The following UTS2B variants were observed in gnomAD, a reference collection of about 807,000 sequenced individuals.
UTS2B encodes urotensin-2B.
A neutral mutation model predicts 19.2 loss-of-function variants in UTS2B; 21 were observed. The ratio of observed to expected loss-of-function variants is 1.09; its 90% CI spans 0.78 to 1.58. The LOEUF (loss-of-function observed/expected upper bound fraction) is 1.58, where lower values mean the gene tolerates loss of function less well. UTS2B is among the 40% of genes most tolerant of loss of function. The probability of loss-of-function intolerance (pLI) is 0.00; values close to 1 mark genes in which losing one functional copy is unlikely to be tolerated. For synonymous variants in UTS2B, 57 were observed against 50.2 expected (o/e 1.14, Z -0.58); for missense variants, 138 against 130.3 (o/e 1.06, Z -0.29).
intron 2 of UTS2B, among the ~76,000 whole-genome samples, chr3:191,318,614 T>C (rs1432510808): frequency 6.6e-6 from 1 of 152,072 alleles, no homozygotes; most frequent in Non-Finnish European, 1.5e-5. Flanking sequence ...GAACCACGGG[T>C]GCACACCACC....
At chr3:191,282,057 C>A (rs1412770261) in intron 5 of UTS2B, 30 bp downstream of exon 5, 2 of 1,464,684 alleles carry the variant, frequency 1.4e-6, no homozygotes, top group Non-Finnish European at 1.9e-6. Context: ...ACTTACCCAC[C>A]TGTAGGATTT....
At chr3:191,306,778 C>A (rs370190478) in intron 3 of UTS2B, among the ~76,000 whole-genome samples, 1 of 152,154 alleles carries the variant, frequency 6.6e-6, no homozygotes, top group Non-Finnish European at 1.5e-5. Context: ...GGGTTTCAGA[C>A]GCACACCACC....
At chr3:191,341,335 C>T in the UTS2B span, among the ~76,000 whole-genome samples, 1 of 152,146 alleles carries the variant, frequency 6.6e-6, no homozygotes, top group African/African-American at 2.4e-5. Context: ...CATACCTTAT[C>T]TAATTTAGTC....
intron 4 of UTS2B, chr3:191,294,694 A>ATC (rs1381057555): frequency 6.6e-6 from 1 of 150,722 alleles, no homozygotes; most frequent in Non-Finnish European, 1.5e-5. Flanking sequence ...TGCATCTTTA[A>ATC]TCTCTCTCTC....
At chr3:191,296,278 CACACACAT>C (rs1434852532) in intron 4 of UTS2B, among the ~76,000 whole-genome samples, 8 of 152,226 alleles carry the variant, frequency 5.3e-5, no homozygotes, top group South Asian at 2.1e-4. Context: ...CACACACATA[CACACACAT>C]ACACACATAC....
chr3:191,329,875 A>G, intron 1 of UTS2B: 1 of 529,136 alleles, frequency 1.9e-6, no homozygotes, highest in Non-Finnish European at 2.9e-6. Context: ...AATTGAATTC[A>G]GGTTCTAGTG....
At chr3:191,341,890 T>A in the UTS2B span, among the ~76,000 whole-genome samples, 3 of 152,216 alleles carry the variant, frequency 2.0e-5, no homozygotes, top group Non-Finnish European at 4.4e-5. Context: ...CACCTTATTC[T>A]GTATAGATTG....
At chr3:191,344,879 A>C in the UTS2B span, among the ~76,000 whole-genome samples, 2 of 152,298 alleles carry the variant, frequency 1.3e-5, no homozygotes, top group East Asian at 3.9e-4. Context: ...ATGCCCAGCC[A>C]GGATGCCAAT....
At chr3:191,282,498 ACATT>A (rs1409593647) in intron 4 of UTS2B, 185 bp from the exon 5 acceptor site, 3 of 212,836 alleles carry the variant, frequency 1.4e-5, no homozygotes, top group African/African-American at 6.8e-5. Context: ...GCATGCCCAC[ACATT>A]CAAATAGATG....
intron 3 of UTS2B, among the ~76,000 whole-genome samples, chr3:191,304,795 G>A (rs1488256498): frequency 6.6e-6 from 1 of 152,124 alleles, no homozygotes; most frequent in African/African-American, 2.4e-5. Flanking sequence ...ATATCCATTA[G>A]TTATTTTTCC....
intron 2 of UTS2B, among the ~76,000 whole-genome samples, chr3:191,323,739 G>T (rs1576938183): frequency 6.6e-6 from 1 of 152,142 alleles, no homozygotes; most frequent in African/African-American, 2.4e-5. Context: ...CAGTTAAGAA[G>T]AAAATGGGTA....
intron 7 of UTS2B, 45 bp downstream of exon 7, chr3:191,276,756 TTCCTTA>T: frequency 6.7e-7 from 1 of 1,481,728 alleles, no homozygotes; most frequent in Non-Finnish European, 9.3e-7. Context: ...AAGAAGAAAT[TTCCTTA>T]TAATTGTTAT....
chr3:191,322,737 T>G (rs111387001), intron 2 of UTS2B, among the ~76,000 whole-genome samples: 179 of 152,298 alleles, frequency 1.2e-3, no homozygotes, highest in African/African-American at 4.1e-3. Flanking sequence ...GTAATATCTT[T>G]GAGAAAATGA....
At chr3:191,341,629 T>G in the UTS2B span, among the ~76,000 whole-genome samples, 1 of 152,182 alleles carries the variant, frequency 6.6e-6, no homozygotes, top group Non-Finnish European at 1.5e-5. Flanking sequence ...CTTCTCAGAG[T>G]GCTAGCTGTT....
intron 8 of UTS2B, 127 bp from the exon 9 acceptor site, chr3:191,268,568 C>A (rs1716005462): frequency 1.7e-6 from 1 of 592,948 alleles, no homozygotes; most frequent in East Asian, 3.0e-5. Context: ...AATATTGTAG[C>A]TACTAGCCTC....
At chr3:191,315,624 C>T (rs749569528) in intron 3 of UTS2B, among the ~76,000 whole-genome samples, 3 of 152,134 alleles carry the variant, frequency 2.0e-5, no homozygotes, top group Non-Finnish European at 2.9e-5. Context: ...GGTGTGAGGG[C>T]GGAGGAAAAA....
chr3:191,310,719 T>C (rs1468498897), intron 3 of UTS2B, among the ~76,000 whole-genome samples: 1 of 123,862 alleles, frequency 8.1e-6, no homozygotes, highest in African/African-American at 2.8e-5. Context: ...GCATCTGATA[T>C]AGTAGCAATG....
At chr3:191,338,333 A>G in the UTS2B span, among the ~76,000 whole-genome samples, 2 of 152,320 alleles carry the variant, frequency 1.3e-5, no homozygotes, top group Non-Finnish European at 2.9e-5. Flanking sequence ...ACAAGAGTTG[A>G]CAAATACTGT....
At chr3:191,305,476 T>C (rs1368482579) in intron 3 of UTS2B, among the ~76,000 whole-genome samples, 1 of 152,228 alleles carries the variant, frequency 6.6e-6, no homozygotes, top group Admixed American at 6.5e-5. Flanking sequence ...CTTTGAGAAG[T>C]GTCTATTCAG....
Sources: gnomAD v4.1 joint callset for allele counts (sites outside exome capture counted in the v4.1 genomes callset) on GRCh38, gnomAD v4.1.1 for gene constraint, MANE v1.5 for transcripts, NCBI Gene and HGNC (gene_info 2026-07-23, HGNC 2026-07-21) for gene names.